ITPKB: variants seen among roughly 807,000 people sequenced by gnomAD.
ITPKB encodes the protein inositol-trisphosphate 3-kinase B, also known as IP3 3-kinase B.
A neutral mutation model predicts 69.4 loss-of-function variants in ITPKB; 13 were observed. The ratio of observed to expected loss-of-function variants is 0.19; its 90% CI spans 0.12 to 0.30. The LOEUF (loss-of-function observed/expected upper bound fraction) is 0.30, where lower values mean the gene tolerates loss of function less well. Among genes scored for constraint, ITPKB ranks in the 10% least tolerant of loss-of-function variants. The probability of loss-of-function intolerance (pLI) is 1.00; values close to 1 mark genes in which losing one functional copy is unlikely to be tolerated. For synonymous variants in ITPKB, 584 were observed against 513.7 expected (o/e 1.14, Z -1.85); for missense variants, 1,240 against 1,250.5 (o/e 0.99, Z 0.13).
At chr1:226,640,508 G>C (rs572766334) in intron 5 of ITPKB, among the ~76,000 whole-genome samples, 2 of 152,330 alleles carry the variant, frequency 1.3e-5, no homozygotes, top group East Asian at 3.9e-4. Flanking sequence ...CCCAGGCAGA[G>C]CCTCTTAGCT....
chr1:226,685,903 G>A (rs1656207245), intron 2 of ITPKB, among the ~76,000 whole-genome samples: 1 of 152,216 alleles, frequency 6.6e-6, no homozygotes, highest in Non-Finnish European at 1.5e-5. Flanking sequence ...GCAGCACGAG[G>A]AAGGTTCTGA....
chr1:226,638,619 G>A (rs542020158), intron 6 of ITPKB, among the ~76,000 whole-genome samples: 65 of 152,250 alleles, frequency 4.3e-4, no homozygotes, highest in Non-Finnish European at 8.1e-4. Flanking sequence ...CCTGTGGGCA[G>A]AGCATCTATC....
rs903299026 is a variant in ITPKB at position 226,725,931 on chromosome 1, T to G, written c.1932+9596A>C. Reference sequence around the variant, plus strand: ...GCAGAGATTGCTTTTAACATAGTCCTTAGCAATTTCTTTTCAAGCAACAAG... The same window carrying G: ...GCAGAGATTGCTTTTAACATAGTCCGTAGCAATTTCTTTTCAAGCAACAAG... On this transcript the variant is annotated intron_variant, in intron 2 of 7. Transcript: ENST00000429204. Among the ~76,000 whole-genome samples, 4 of 152,198 alleles carry G rather than the reference T, an allele frequency of 2.6e-5. 1 individual carries two copies. The highest frequency in any genetic ancestry group is 9.6e-5 in the African/African-American group (4 of 41,452).
Position 226,634,551 on chromosome 1 carries a change from T to TCTTG in ITPKB, c.*116_*119dup. Reference sequence around the variant, plus strand: ...CTCTCATCTCCTCTTCTACAAAGTGTCTTGTAGTGCAGTTCAGGAGGGTCA... The same window carrying TCTTG: ...CTCTCATCTCCTCTTCTACAAAGTGTCTTGCTTGTAGTGCAGTTCAGGAGGGTCA... On this transcript the variant is annotated 3_prime_UTR_variant, in exon 8 of 8. Transcript: ENST00000429204. This position sits in a 1 kb window ranked among gnomAD's most constrained non-coding sequence, Gnocchi z 6.3. The TCTTG allele has an allele frequency of 1.6e-6, 1 of 617,604 alleles. No homozygotes were observed. Among genetic ancestry groups the TCTTG allele is most frequent in the South Asian group, 1.9e-5 (1 of 52,664 alleles). 38.3% of individuals were successfully genotyped at this position (617,604 alleles called of 1,614,324 possible). A position where few individuals can be genotyped will look rare whatever the true frequency, so the allele number is the denominator to read the frequency against.
Position 226,737,306 on chromosome 1 carries a change from C to T in ITPKB, c.153G>A (p.Gly51=). 6.3e-7 allele frequency: 1 copy of T among 1,578,162 alleles called. No individual in the cohort carries two copies. Among genetic ancestry groups the T allele is most frequent in the Middle Eastern group, 1.8e-4 (1 of 5,490 alleles). The change falls in exon 2 of 8, where the codon GGG becomes GGA. Residue 51 remains glycine (G), a synonymous_variant. Transcript: ENST00000429204. ...GGGGGAAGAGGAAAGAGGCGCCTCT[C>T]CCGGGGCTGAAAACGCTGCCGGGGC... ...VLSPGSVFSP[G]RGASFLFPPA...
chr1:226,736,465 C>G lies in ITPKB; in HGVS notation c.994G>C (p.Glu332Gln), dbSNP rs779024314. Residue 332 changes from glutamate (E) to glutamine (Q), a missense_variant, in exon 2 of 8, where the codon GAG becomes CAG. This residue lies in a region of ITPKB where 992 missense variants were observed against 853.8 expected (regional missense o/e 1.16). Coordinates refer to ENST00000429204, the MANE Select transcript of ITPKB (RefSeq NM_002221.4). Reference protein sequence around the residue: ...ALTEPSGRARELEDLQPPEAL... With the variant: ...ALTEPSGRARQLEDLQPPEAL... ...TCTGGGGGCTGCAGGTCCTCAAGCTCACGGGCTCTCCCAGACGGCTCAGTG... is the reference window on the plus strand; with the variant it reads ...TCTGGGGGCTGCAGGTCCTCAAGCTGACGGGCTCTCCCAGACGGCTCAGTG... The G allele has an allele frequency of 9.9e-6, 16 of 1,613,816 alleles. No individual in the cohort carries two copies. In the South Asian group the frequency reaches 1.8e-4, roughly 18 times the overall value.
chr1:226,636,978 C>T (rs1341259329), intron 7 of ITPKB, among the ~76,000 whole-genome samples: 2 of 151,698 alleles, frequency 1.3e-5, no homozygotes, highest in Non-Finnish European at 2.9e-5. Context: ...AATGTGTGTG[C>T]ATGTAGGGTT....
chr1:226,681,736 A>T (rs942690555), intron 2 of ITPKB, among the ~76,000 whole-genome samples: 2 of 152,192 alleles, frequency 1.3e-5, no homozygotes, highest in African/African-American at 4.8e-5. Context: ...TGGGCACTAA[A>T]AAAGGGAGCA....
intron 2 of ITPKB, among the ~76,000 whole-genome samples, chr1:226,724,034 G>T (rs924547996): frequency 6.6e-6 from 1 of 152,144 alleles, no homozygotes; most frequent in African/African-American, 2.4e-5. Flanking sequence ...ACAACTGGTG[G>T]AGGGGTGTCC....
intron 2 of ITPKB, among the ~76,000 whole-genome samples, chr1:226,733,024 C>A (rs1219018169): frequency 6.6e-6 from 1 of 152,188 alleles, no homozygotes; most frequent in Non-Finnish European, 1.5e-5. Context: ...CAGAAACAAT[C>A]TCAGTGTCTA....
At chr1:226,719,558 C>T (rs905996254) in intron 2 of ITPKB, among the ~76,000 whole-genome samples, 2 of 152,212 alleles carry the variant, frequency 1.3e-5, no homozygotes, top group African/African-American at 2.4e-5. Context: ...TTTAGGCCCT[C>T]ACCCATGTCT....
intron 2 of ITPKB, among the ~76,000 whole-genome samples, chr1:226,649,393 T>G (rs1669129424): frequency 6.9e-6 from 1 of 143,952 alleles, no homozygotes; most frequent in Non-Finnish European, 1.5e-5. Context: ...CATGTGTGCA[T>G]GAGTGTGTGT....
rs148621267 is a variant in ITPKB, at chr1:226,637,360, G to A, written c.2625+319C>T. Reference sequence around the variant, plus strand: ...CCTGGCTACTCTAGCAGCTCAGAGAGCTTCTGCCCTGAGACCACGGGTGTG... The same window carrying A: ...CCTGGCTACTCTAGCAGCTCAGAGAACTTCTGCCCTGAGACCACGGGTGTG... On this transcript the variant is annotated intron_variant, in intron 7 of 7. Transcript: ENST00000429204. This position sits in a 1 kb window ranked among gnomAD's most constrained non-coding sequence, Gnocchi z 4.3. 5.9e-3 allele frequency among the ~76,000 whole-genome samples: 894 copies of A among 152,378 alleles called. 12 individuals carry two copies. Among genetic ancestry groups the A allele is most frequent in the African/African-American group, 0.019 (794 of 41,590 alleles).
At position 226,641,178 on chromosome 1, in the gene ITPKB, A is replaced by T. The variant is rs1437450555; in HGVS notation, c.2451+743T>A. 6.6e-6 allele frequency among the ~76,000 whole-genome samples: 1 copy of T among 152,200 alleles called. No individual in the cohort carries two copies. Among genetic ancestry groups the T allele is most frequent in the Non-Finnish European group, 1.5e-5 (1 of 68,022 alleles). On this transcript the variant is annotated intron_variant, in intron 5 of 7. Coordinates refer to ENST00000429204, the MANE Select transcript of ITPKB (RefSeq NM_002221.4). The surrounding 1 kb of genome is among the most constrained non-coding windows in gnomAD (Gnocchi z 4.6). ...ATCATCCAGACAGTCACCAATCCAG[A>T]CAGTGCCAGTTCCCCAATTTATTCT...
Position 226,713,089 on chromosome 1 carries a change from C to T in ITPKB, c.1932+22438G>A, listed in dbSNP as rs953573661. 3.9e-5 allele frequency among the ~76,000 whole-genome samples: 6 copies of T among 152,234 alleles called. No individual in the cohort carries two copies. In the East Asian group the frequency reaches 5.8e-4, roughly 15 times the overall value. Reference sequence around the variant, plus strand: ...ACACACACATACACACGTGCATATGCGCAAATAAATATACACACATATACA... The same window carrying T: ...ACACACACATACACACGTGCATATGTGCAAATAAATATACACACATATACA... On this transcript the variant is annotated intron_variant, in intron 2 of 7. Coordinates refer to ENST00000429204, the MANE Select transcript of ITPKB (RefSeq NM_002221.4).
chr1:226,647,335 C>T lies in ITPKB; in HGVS notation c.2078G>A (p.Cys693Tyr). The stretch of plus-strand genomic sequence containing the variant: ...GTCCAGGCAGCGCTGCTCTGACTCA[C>T]AGTGCTTCTTCAGGATCCTGCCATT... ...AANGRILKKH[C>Y]ESEQRCLDRL... Residue 693 changes from cysteine (C) to tyrosine (Y), a missense_variant, in exon 4 of 8, where the codon TGT becomes TAT. Physicochemically the swap from Cys to Tyr is radical, Grantham distance 194. Coordinates refer to ENST00000429204, the MANE Select transcript of ITPKB (RefSeq NM_002221.4). The T allele has an allele frequency of 6.2e-7, 1 of 1,614,190 alleles. No individual in the cohort carries two copies.
chr1:226,649,807 A>C (rs1669150422), intron 2 of ITPKB, among the ~76,000 whole-genome samples: 1 of 151,866 alleles, frequency 6.6e-6, no homozygotes, highest in African/African-American at 2.4e-5. Context: ...AAATTAATAA[A>C]ATTCTTTTCT....
rs1668956670 is a variant in ITPKB, at chr1:226,641,285, C to T, written c.2451+636G>A. Among the ~76,000 whole-genome samples the T allele has an allele frequency of 6.6e-6, 1 of 152,136 alleles. No individual in the cohort carries two copies. Among genetic ancestry groups the T allele is most frequent in the Non-Finnish European group, 1.5e-5 (1 of 68,024 alleles). ...ATAGCCAGAGCTAAGAACTTTCCTG[C>T]CAGATACACATAGGTACAAAGGGAT... On this transcript the variant is annotated intron_variant, in intron 5 of 7. Coordinates refer to ENST00000429204, the MANE Select transcript of ITPKB (RefSeq NM_002221.4). This position sits in a 1 kb window ranked among gnomAD's most constrained non-coding sequence, Gnocchi z 4.6.
rs1270827099 is a variant in ITPKB at position 226,737,183 on chromosome 1, G to A, written c.276C>T (p.Ser92=). The change falls in exon 2 of 8, where the codon AGC becomes AGT. Residue 92 remains serine, a synonymous_variant. Coordinates refer to ENST00000429204, the MANE Select transcript of ITPKB (RefSeq NM_002221.4). ...LNSSSGSGSG[S]SGSSVSSPSW... is the part of the protein sequence containing the mutation. ...TTGGGCTGCTCACGCTACTGCCGCT[G>A]CTGCCGCTGCCACTGCCGCTGCTAC... 4 of 822,886 alleles carry A rather than the reference G, an allele frequency of 4.9e-6. No individual in the cohort carries two copies. The highest frequency in any genetic ancestry group is 8.6e-5 in the East Asian group (2 of 23,274). 51.0% of individuals were successfully genotyped at this position (822,886 alleles called of 1,614,324 possible).
Sources: gnomAD v4.1 joint callset for allele counts (sites outside exome capture counted in the v4.1 genomes callset) on GRCh38, gnomAD v4.1.1 for gene constraint, gnomAD v4.1.1 regional missense constraint, Gnocchi (gnomAD v3.1) non-coding constraint, MANE v1.5 for transcripts, NCBI Gene and HGNC (gene_info 2026-07-23, HGNC 2026-07-21) for gene names.